Variants in CREBZF observed in about 807,000 individuals in gnomAD.
CREBZF encodes the protein HCF-binding transcription factor Zhangfei.
A neutral mutation model predicts 21.1 loss-of-function variants in CREBZF; 8 were observed. The ratio of observed to expected loss-of-function variants is 0.38; its 90% CI spans 0.22 to 0.68. CREBZF has a LOEUF of 0.68. CREBZF is among the 30% of genes least tolerant of loss of function. The pLI, the probability that CREBZF is intolerant of heterozygous loss-of-function variation, is 0.51. For synonymous variants in CREBZF, 270 were observed against 223.3 expected, an observed-to-expected ratio of 1.21 and a Z score of -1.86; for missense variants, 518 against 484.3, an observed-to-expected ratio of 1.07 and a Z score of -0.65.
At position 85,661,108 on chromosome 11, in the gene CREBZF, C is replaced by T. The variant is rs891569201; in HGVS notation, c.*2703G>A. The T allele has an allele frequency of 3.9e-5, 6 of 153,176 alleles. No individual in the cohort carries two copies. Among genetic ancestry groups the T allele is most frequent in the African/African-American group, 1.2e-4 (5 of 41,432 alleles). The allele number at this position is 153,176 out of a possible 1,614,324, so 9.5% of individuals were successfully genotyped here. A position where few individuals can be genotyped will look rare whatever the true frequency, so the allele number is the denominator to read the frequency against. On this transcript the variant is annotated 3_prime_UTR_variant, in exon 1 of 1. Coordinates refer to ENST00000527447, the MANE Select transcript of CREBZF (RefSeq NM_001039618.4). The stretch of plus-strand genomic sequence containing the variant: ...CTTTTTTAATTAACAAGTAGTGAAT[C>T]GGACACTTTAAGATATTGTTTACTA...
At chr11:85,671,491 GAGGCA>G (rs1193422582) in intron 1 of CREBZF, among the ~76,000 whole-genome samples, 1 of 152,190 alleles carries the variant, frequency 6.6e-6, no homozygotes, top group African/African-American at 2.4e-5. Context: ...AGTCTCATTG[GAGGCA>G]AGGCAAGTCC....
At chr11:85,671,759 G>A (rs1404183539) in intron 1 of CREBZF, among the ~76,000 whole-genome samples, 1 of 152,244 alleles carries the variant, frequency 6.6e-6, no homozygotes, top group African/African-American at 2.4e-5. Flanking sequence ...GTCTTGGGCA[G>A]CTCCATCCCT....
rs368743578 is a variant in CREBZF at position 85,663,794 on chromosome 11, G to C, written c.*17C>G. The C allele has an allele frequency of 6.3e-7, 1 of 1,586,336 alleles. No homozygotes were observed. Among genetic ancestry groups the C allele is most frequent in the South Asian group, 1.1e-5 (1 of 87,240 alleles). On this transcript the variant is annotated 3_prime_UTR_variant, in exon 1 of 1. Transcript: ENST00000527447. The stretch of plus-strand genomic sequence containing the variant: ...GTTGAAAGGGGTAAACGCGGATAAA[G>C]AGCAGATTACTTGACCCTACATTTT...
intron 1 of CREBZF, among the ~76,000 whole-genome samples, chr11:85,679,186 C>T (rs1487979576): frequency 1.3e-5 from 2 of 152,210 alleles, no homozygotes; most frequent in African/African-American, 2.4e-5. Context: ...TTCCTCTTCT[C>T]TTGGACAGTC....
At chr11:85,675,327 T>C (rs2082935461) in intron 1 of CREBZF, among the ~76,000 whole-genome samples, 1 of 152,230 alleles carries the variant, frequency 6.6e-6, no homozygotes, top group African/African-American at 2.4e-5. Flanking sequence ...ACTCTTTCAC[T>C]TGAACACTTA....
In CREBZF at chr11:85,659,675, A is replaced by G. The variant is rs1184059711; in HGVS notation, c.*4136T>C. ...ACCACGTGAAGGAATGTATTAACAT[A>G]ATCCAACAAAAATGAAATAAAACAA... On this transcript the variant is annotated 3_prime_UTR_variant, in exon 1 of 1. Transcript: ENST00000527447. The G allele has an allele frequency of 6.6e-6, 1 of 152,108 alleles. No individual in the cohort carries two copies. Among genetic ancestry groups the G allele is most frequent in the East Asian group, 1.9e-4 (1 of 5,206 alleles). The allele number at this position is 152,108 out of a possible 1,614,324, so 9.4% of individuals were successfully genotyped here.
rs1262357800 is a variant in CREBZF at position 85,663,486 on chromosome 11, G to A, written c.*325C>T. On this transcript the variant is annotated 3_prime_UTR_variant, in exon 1 of 1. Coordinates refer to ENST00000527447, the MANE Select transcript of CREBZF (RefSeq NM_001039618.4). ...GTTGCCCATTAAAGTAGACAAAGCA[G>A]CAGAGCATGAGCGTTACGGGAAGAG... 1 of 822,366 alleles carries A rather than the reference G, an allele frequency of 1.2e-6. No individual in the cohort carries two copies. Among genetic ancestry groups the A allele is most frequent in the East Asian group, 2.7e-5 (1 of 37,702 alleles). 50.9% of individuals were successfully genotyped at this position (822,366 alleles called of 1,614,324 possible). A position where few individuals can be genotyped will look rare whatever the true frequency, so the allele number is the denominator to read the frequency against.
intron 1 of CREBZF, among the ~76,000 whole-genome samples, chr11:85,675,435 A>C (rs757090068): frequency 4.6e-5 from 7 of 152,216 alleles, no homozygotes; most frequent in Admixed American, 6.5e-5. Context: ...GGGAATGGCC[A>C]GTCAGTGGCA....
At chr11:85,671,184 C>A (rs916284288) in intron 1 of CREBZF, among the ~76,000 whole-genome samples, 12 of 152,158 alleles carry the variant, frequency 7.9e-5, no homozygotes, top group Admixed American at 6.5e-5. Context: ...GGCAAGAGAG[C>A]ATATGTAGGG....
upstream of CREBZF, among the ~76,000 whole-genome samples, chr11:85,667,594 A>G (rs533427545): frequency 1.3e-5 from 2 of 152,180 alleles, no homozygotes; most frequent in Non-Finnish European, 2.9e-5. Context: ...AACTTTTTTT[A>G]AAAATCATTT....
rs760647744 is a variant in CREBZF at position 85,664,345 on chromosome 11, A to ACTG, written c.528_530dup (p.Ser177dup). The stretch of plus-strand genomic sequence containing the variant: ...GCCTCTTTTCGGCGCTGCCACTGTC[A>ACTG]CTGCTGCTGCTGCAGCCTCCGATAC... On this transcript the variant is annotated inframe_insertion, in exon 1 of 1. Coordinates refer to ENST00000527447, the MANE Select transcript of CREBZF (RefSeq NM_001039618.4). The surrounding 1 kb of genome is among the most constrained non-coding windows in gnomAD (Gnocchi z 5.5). 9.3e-6 allele frequency: 15 copies of ACTG among 1,612,622 alleles called. No homozygotes were observed. The highest frequency in any genetic ancestry group is 4.0e-5 in the African/African-American group (3 of 74,896).
chr11:85,670,570 G>A (rs1310534066), intron 1 of CREBZF, among the ~76,000 whole-genome samples: 1 of 151,944 alleles, frequency 6.6e-6, no homozygotes, highest in Non-Finnish European at 1.5e-5. Flanking sequence ...CCAAAGTGCT[G>A]GATTACAGGC....
At chr11:85,665,326 CACA>C (rs1485247393), upstream of CREBZF, among the ~76,000 whole-genome samples, 4 of 152,166 alleles carry the variant, frequency 2.6e-5, no homozygotes, top group East Asian at 1.9e-4. Context: ...AACAGTTCAA[CACA>C]ACATTTTGCT....
At chr11:85,675,165 T>C (rs2082934220) in intron 1 of CREBZF, among the ~76,000 whole-genome samples, 2 of 152,214 alleles carry the variant, frequency 1.3e-5, no homozygotes, top group African/African-American at 4.8e-5. Flanking sequence ...ATAATTTCCT[T>C]CAAATTTTTT....
In CREBZF at chr11:85,663,718, T is replaced by C; in HGVS notation, c.*93A>G. On this transcript the variant is annotated 3_prime_UTR_variant, in exon 1 of 1. Coordinates refer to ENST00000527447, the MANE Select transcript of CREBZF (RefSeq NM_001039618.4). ...ATTACTTTTTTTCTCTCCTCTGAAA[T>C]GTGTCCGGTGAAGATGTCCCACTAA... 1.9e-6 allele frequency: 3 copies of C among 1,598,484 alleles called. No individual in the cohort carries two copies. Among genetic ancestry groups the C allele is most frequent in the Non-Finnish European group, 2.6e-6 (3 of 1,172,526 alleles).
At chr11:85,667,858 T>A (rs983287539), upstream of CREBZF, among the ~76,000 whole-genome samples, 2 of 152,008 alleles carry the variant, frequency 1.3e-5, no homozygotes, top group African/African-American at 4.8e-5. Flanking sequence ...TAATCCCAGC[T>A]ACTTGGGAGG....
At chr11:85,667,831 A>AT (rs571866976), upstream of CREBZF, among the ~76,000 whole-genome samples, 12 of 152,248 alleles carry the variant, frequency 7.9e-5, no homozygotes, top group East Asian at 2.3e-3. Context: ...TTAGCCAGGT[A>AT]TGGTGGCACA....
chr11:85,664,432 G>T lies in CREBZF; in HGVS notation c.444C>A (p.Asp148Glu). 1 of 1,613,730 alleles carries T rather than the reference G, an allele frequency of 6.2e-7. No individual in the cohort carries two copies. The highest frequency in any genetic ancestry group is 8.5e-7 in the Non-Finnish European group (1 of 1,179,996). Residue 148 changes from aspartate (D) to glutamate (E), a missense_variant, in exon 1 of 1, where the codon GAC becomes GAA. By Grantham distance (45) the Asp-to-Glu change is conservative. Transcript: ENST00000527447. The surrounding 1 kb of genome is among the most constrained non-coding windows in gnomAD (Gnocchi z 5.5). Reference sequence around the variant, plus strand: ...GCATTTCAGCAGCCGCGGCCTCATCGTCATCGTCCCCTCTCCACAGGCCGC... The same window carrying T: ...GCATTTCAGCAGCCGCGGCCTCATCTTCATCGTCCCCTCTCCACAGGCCGC... ...DSGGLWRGDD[D>E]DEAAAAEMQR...
chr11:85,668,842 A>T (rs2082889682), upstream of CREBZF, among the ~76,000 whole-genome samples: 2 of 150,562 alleles, frequency 1.3e-5, no homozygotes, highest in Non-Finnish European at 3.0e-5. Flanking sequence ...CTCTACTAAA[A>T]ATACAAAAAA....
Sources: allele counts gnomAD v4.1 joint callset (sites outside exome capture counted in the v4.1 genomes callset), GRCh38; gene constraint gnomAD v4.1.1; non-coding constraint Gnocchi (gnomAD v3.1); transcripts MANE v1.5; gene names NCBI Gene and HGNC (gene_info 2026-07-23, HGNC 2026-07-21).